The following PDE7B variants were observed in gnomAD, a reference collection of about 807,000 sequenced individuals.
The protein encoded by PDE7B is 3',5'-cyclic-AMP phosphodiesterase 7B.
A neutral mutation model predicts 56.2 loss-of-function variants in PDE7B; 29 were observed. The observed-to-expected ratio is 0.52, with a 90% CI of 0.38 to 0.70. PDE7B has a LOEUF of 0.70. Ranked by LOEUF, PDE7B falls within the 30% of genes least tolerant of loss-of-function variation. The pLI is 0.00. For missense variants in PDE7B, 490 were observed against 565.0 expected (o/e 0.87, Z 1.35); for synonymous variants, 197 against 196.9 (o/e 1.00, Z 0.00).
At chr6:136,144,149 C>T (rs1163277658) in intron 3 of PDE7B, among the ~76,000 whole-genome samples, 3 of 151,960 alleles carry the variant, frequency 2.0e-5, no homozygotes, top group East Asian at 3.9e-4. Flanking sequence ...CTTTACTTTC[C>T]TATGTAGCAA....
intron 2 of PDE7B, among the ~76,000 whole-genome samples, chr6:136,030,270 G>T (rs79535882): frequency 6.6e-6 from 1 of 152,182 alleles, no homozygotes; most frequent in African/African-American, 2.4e-5. Flanking sequence ...TAGAAATCTG[G>T]TAATGTTCTA....
chr6:136,143,016 C>T (rs534687896), intron 3 of PDE7B, among the ~76,000 whole-genome samples: 3 of 151,884 alleles, frequency 2.0e-5, no homozygotes, highest in African/African-American at 7.2e-5. Flanking sequence ...GTTATTTTGC[C>T]CGTTAGTTGA....
At chr6:135,956,378 G>A (rs1774794574) in intron 2 of PDE7B, among the ~76,000 whole-genome samples, 1 of 152,170 alleles carries the variant, frequency 6.6e-6, no homozygotes. Context: ...CTTGGACTTA[G>A]CAACCTGAAG....
chr6:136,070,563 GGTTA>G (rs1295697654), intron 2 of PDE7B, among the ~76,000 whole-genome samples: 7 of 151,934 alleles, frequency 4.6e-5, no homozygotes, highest in South Asian at 2.1e-4. Context: ...TATTTTAAAA[GGTTA>G]GTTAATGGCA....
intron 1 of PDE7B, among the ~76,000 whole-genome samples, chr6:135,925,259 A>G (rs1774163597): frequency 6.6e-6 from 1 of 152,160 alleles, no homozygotes; most frequent in Non-Finnish European, 1.5e-5. Flanking sequence ...GGCAGTTTAG[A>G]TCTTGAGTGA....
intron 2 of PDE7B, among the ~76,000 whole-genome samples, chr6:136,079,275 C>T (rs1011701260): frequency 2.6e-5 from 4 of 152,092 alleles, no homozygotes; most frequent in Non-Finnish European, 5.9e-5. Flanking sequence ...AGTACTCTGG[C>T]TTTGTTCTCC....
intron 1 of PDE7B, among the ~76,000 whole-genome samples, chr6:135,899,696 TATA>T (rs1461691801): frequency 1.3e-5 from 2 of 152,020 alleles, no homozygotes; most frequent in African/African-American, 2.4e-5. Flanking sequence ...AGTATACAAA[TATA>T]ATAATTTATT....
chr6:136,176,408 A>G (rs942990540), intron 9 of PDE7B, among the ~76,000 whole-genome samples: 5 of 152,096 alleles, frequency 3.3e-5, no homozygotes, highest in Non-Finnish European at 5.9e-5. Context: ...CATGCTTTAC[A>G]TGCTTTGCAT....
At chr6:135,969,463 C>T (rs1775054282) in intron 2 of PDE7B, among the ~76,000 whole-genome samples, 1 of 151,940 alleles carries the variant, frequency 6.6e-6, no homozygotes. Context: ...CAGGGTCTTC[C>T]TTGGCTCATT....
At chr6:136,157,729 CAT>C (rs1397106622) in intron 8 of PDE7B, among the ~76,000 whole-genome samples, 1 of 152,002 alleles carries the variant, frequency 6.6e-6, no homozygotes, top group Non-Finnish European at 1.5e-5. Flanking sequence ...AAAAAAAGAA[CAT>C]AGAAAAAGAA....
intron 2 of PDE7B, among the ~76,000 whole-genome samples, chr6:136,005,478 A>G (rs1041864406): frequency 6.6e-6 from 1 of 152,206 alleles, no homozygotes; most frequent in South Asian, 2.1e-4. Context: ...TAATATCCAG[A>G]ATCTACAATG....
intron 2 of PDE7B, among the ~76,000 whole-genome samples, chr6:136,058,858 C>A (rs537884175): frequency 3.8e-4 from 58 of 152,018 alleles, no homozygotes; most frequent in Admixed American, 2.5e-3. Context: ...ACTACTCAAC[C>A]ATTGAGGACA....
chr6:135,980,686 C>T (rs1376934143), intron 2 of PDE7B, among the ~76,000 whole-genome samples: 2 of 151,368 alleles, frequency 1.3e-5, no homozygotes. Flanking sequence ...TGAAAAAATG[C>T]TCACCATCAC....
chr6:135,853,267 A>G (rs984569959), intron 1 of PDE7B, among the ~76,000 whole-genome samples: 2 of 152,204 alleles, frequency 1.3e-5, no homozygotes, highest in African/African-American at 4.8e-5. Context: ...GATTTCAAAC[A>G]TGAGGTGTAT....
At chr6:136,014,932 CT>C (rs1415235563) in intron 2 of PDE7B, among the ~76,000 whole-genome samples, 4 of 152,138 alleles carry the variant, frequency 2.6e-5, no homozygotes, top group Non-Finnish European at 5.9e-5. Flanking sequence ...AGAACTTTGC[CT>C]GAAAGCTTAA....
At chr6:135,964,114 A>AT (rs201041343) in intron 2 of PDE7B, among the ~76,000 whole-genome samples, 8 of 146,790 alleles carry the variant, frequency 5.4e-5, no homozygotes, top group Middle Eastern at 3.2e-3. Flanking sequence ...TTTTTCTTTT[A>AT]TTTTTTTTGA....
chr6:136,007,059 T>A (rs1325290456), intron 2 of PDE7B, among the ~76,000 whole-genome samples: 1 of 152,206 alleles, frequency 6.6e-6, no homozygotes, highest in Non-Finnish European at 1.5e-5. Flanking sequence ...CATAGATGGT[T>A]CTAATTATAT....
chr6:136,166,743 T>A (rs1042651633), intron 8 of PDE7B, among the ~76,000 whole-genome samples: 15 of 152,142 alleles, frequency 9.9e-5, no homozygotes, highest in African/African-American at 3.6e-4. Context: ...GAACATGAGA[T>A]TTGGCTGGGG....
chr6:135,994,116 CTGTGTGTGTGTGTGTG>C (rs3220309), intron 2 of PDE7B, among the ~76,000 whole-genome samples: 12,129 of 138,694 alleles, frequency 0.087, 888 homozygotes, highest in African/African-American at 0.2. Flanking sequence ...TGTATTGGAT[CTGTGTGTGTGTGTGTG>C]TGTGTGTGTG....
Sources: allele counts gnomAD v4.1 joint callset (sites outside exome capture counted in the v4.1 genomes callset), GRCh38; gene constraint gnomAD v4.1.1; transcripts MANE v1.5; gene names NCBI Gene and HGNC (gene_info 2026-07-23, HGNC 2026-07-21).